MYO1H: variants seen among roughly 807,000 people sequenced by gnomAD.
MYO1H encodes the protein myosin IH, also known as unconventional myosin-Ih.
In MYO1H, 118 loss-of-function variants were observed where a neutral mutation model predicts 149.3. The observed-to-expected ratio is 0.79, with a 90% CI of 0.68 to 0.92. MYO1H has a LOEUF of 0.92. MYO1H is among the 40% of genes least tolerant of loss of function. MYO1H has a pLI of 0.00. For missense variants in MYO1H, 1,212 were observed against 1,280.7 expected (o/e 0.95, Z 0.82); for synonymous variants, 447 against 465.2 (o/e 0.96, Z 0.50).
chr12:109,370,096 C>T (rs558378030), intron 1 of MYO1H, among the ~76,000 whole-genome samples: 3 of 152,294 alleles, frequency 2.0e-5, no homozygotes, highest in South Asian at 4.1e-4. Context: ...CCTCCCATGA[C>T]ACATGGGAAT....
intron 1 of MYO1H, among the ~76,000 whole-genome samples, chr12:109,352,517 A>C (rs1296521425): frequency 6.6e-6 from 1 of 152,200 alleles, no homozygotes; most frequent in African/African-American, 2.4e-5. Context: ...CTTATTACAT[A>C]CACTTTTGCT....
chr12:109,427,636 T>A (rs1871408941), intron 19 of MYO1H, 50 bp downstream of exon 19: 6 of 1,281,014 alleles, frequency 4.7e-6, no homozygotes, highest in Admixed American at 1.7e-5. Context: ...GCCTACTACA[T>A]GAGAATCTCT....
chr12:109,369,217 A>G (rs1868932063), intron 1 of MYO1H, among the ~76,000 whole-genome samples: 1 of 152,018 alleles, frequency 6.6e-6, no homozygotes. Context: ...CAAACTCCTG[A>G]CCTCAGGTGA....
chr12:109,405,420 A>G (rs1870333179), intron 7 of MYO1H, among the ~76,000 whole-genome samples: 1 of 152,016 alleles, frequency 6.6e-6, no homozygotes, highest in Admixed American at 6.6e-5. Flanking sequence ...AAGCAATTCT[A>G]CTGCCTCAGT....
chr12:109,371,774 C>G (rs1868988063), intron 1 of MYO1H, among the ~76,000 whole-genome samples: 1 of 152,024 alleles, frequency 6.6e-6, no homozygotes, highest in African/African-American at 2.4e-5. Context: ...ATATATACAC[C>G]TTCTCACTTG....
At chr12:109,427,648 G>A (rs574014140) in intron 19 of MYO1H, 62 bp downstream of exon 19, 9 of 1,176,550 alleles carry the variant, frequency 7.6e-6, no homozygotes, top group African/African-American at 7.5e-5. Context: ...AGAATCTCTG[G>A]GGTTTAGTGG....
At chr12:109,409,721 C>T (rs1870583648) in intron 11 of MYO1H, 97 bp downstream of exon 11, 12 of 1,059,636 alleles carry the variant, frequency 1.1e-5, no homozygotes, top group Non-Finnish European at 1.6e-5. Context: ...ATTGATTTCC[C>T]TGTCCCCAGA....
At chr12:109,446,890 T>A (rs1872504748) in intron 31 of MYO1H, among the ~76,000 whole-genome samples, 1 of 152,244 alleles carries the variant, frequency 6.6e-6, no homozygotes, top group Non-Finnish European at 1.5e-5. Flanking sequence ...GTTTACACAC[T>A]GTCTTAAAAG....
At chr12:109,440,702 G>GAGT (rs1418523213) in intron 24 of MYO1H, 42 bp from the exon 25 acceptor site, 7 of 1,422,356 alleles carry the variant, frequency 4.9e-6, no homozygotes, top group Non-Finnish European at 6.8e-6. Context: ...CCCAGACAGG[G>GAGT]AGTGAGTGAG....
chr12:109,321,571 C>T, the MYO1H span, among the ~76,000 whole-genome samples: 2 of 152,166 alleles, frequency 1.3e-5, no homozygotes, highest in South Asian at 2.1e-4. Context: ...GGAAACACTG[C>T]AAATCAATGG....
chr12:109,338,232 C>G, the MYO1H span, among the ~76,000 whole-genome samples: 1 of 152,098 alleles, frequency 6.6e-6, no homozygotes, highest in East Asian at 1.9e-4. Context: ...CTGCACTCAG[C>G]CTTTAAAACC....
At chr12:109,440,686 C>A in intron 24 of MYO1H, 58 bp from the exon 25 acceptor site, 2 of 1,282,732 alleles carry the variant, frequency 1.6e-6, no homozygotes, top group Non-Finnish European at 2.2e-6. Flanking sequence ...TTTTGATCGC[C>A]ACAGCCCCAG....
chr12:109,405,847 A>T (rs1164848198), intron 7 of MYO1H, 75 bp from the exon 8 acceptor site: 1 of 1,009,418 alleles, frequency 9.9e-7, no homozygotes, highest in African/African-American at 1.6e-5. Flanking sequence ...CACTAATGAC[A>T]TGTATCAATT....
At chr12:109,446,930 C>G (rs1044183497) in intron 31 of MYO1H, 1 of 604,728 alleles carries the variant, frequency 1.7e-6, no homozygotes, top group African/African-American at 1.8e-5. Context: ...TCTCTCTCCT[C>G]TGGAGTCACA....
the MYO1H span, among the ~76,000 whole-genome samples, chr12:109,324,703 C>CTTTTT: frequency 6.9e-6 from 1 of 144,666 alleles, no homozygotes; most frequent in Non-Finnish European, 1.5e-5. Flanking sequence ...TTTTTCTTTT[C>CTTTTT]TTTTTTTTTT....
At chr12:109,404,813 G>A (rs1264350427) in intron 7 of MYO1H, among the ~76,000 whole-genome samples, 1 of 149,590 alleles carries the variant, frequency 6.7e-6, no homozygotes, top group Non-Finnish European at 1.5e-5. Flanking sequence ...ACAAATTGTA[G>A]AATTTATAAA....
intron 1 of MYO1H, among the ~76,000 whole-genome samples, chr12:109,384,088 C>T (rs973446270): frequency 5.9e-5 from 9 of 152,168 alleles, no homozygotes; most frequent in African/African-American, 1.9e-4. Flanking sequence ...CTTAAATAAT[C>T]GGAAGTTCTG....
At chr12:109,411,843 C>A in intron 13 of MYO1H, 51 bp from the exon 14 acceptor site, 2 of 1,317,380 alleles carry the variant, frequency 1.5e-6, no homozygotes, top group East Asian at 2.5e-5. Context: ...TTAAACTTGG[C>A]ATTGATGGAG....
chr12:109,319,750 A>G, the MYO1H span, among the ~76,000 whole-genome samples: 1 of 152,104 alleles, frequency 6.6e-6, no homozygotes, highest in East Asian at 1.9e-4. Context: ...GTGTTGTAGG[A>G]TATTTAGTGG....
Sources: gnomAD v4.1 joint callset for allele counts (sites outside exome capture counted in the v4.1 genomes callset) on GRCh38, gnomAD v4.1.1 for gene constraint, MANE v1.5 for transcripts, NCBI Gene and HGNC (gene_info 2026-07-23, HGNC 2026-07-21) for gene names.